SOX6: variants seen among roughly 807,000 people sequenced by gnomAD.
The protein encoded by SOX6 is SRY-box transcription factor 6.
A neutral mutation model predicts 97.8 loss-of-function variants in SOX6; 11 were observed. The observed-to-expected ratio is 0.11, with a 90% CI of 0.07 to 0.19. SOX6 has a LOEUF of 0.19. Among genes scored for constraint, SOX6 ranks in the 10% least tolerant of loss-of-function variants. The probability of loss-of-function intolerance (pLI) is 1.00; values close to 1 mark genes in which losing one functional copy is unlikely to be tolerated. For missense variants in SOX6, 810 were observed against 1,039.5 expected (o/e 0.78, Z 3.04); for synonymous variants, 360 against 371.4 (o/e 0.97, Z 0.35).
intron 4 of SOX6, among the ~76,000 whole-genome samples, chr11:16,604,425 C>G (rs1290623097): frequency 6.6e-6 from 1 of 152,200 alleles, no homozygotes. Flanking sequence ...AGAGAAGACC[C>G]TAGTGGGCGG....
At chr11:16,296,504 G>C (rs1163327004) in intron 3 of SOX6, among the ~76,000 whole-genome samples, 1 of 152,132 alleles carries the variant, frequency 6.6e-6, no homozygotes, top group Non-Finnish European at 1.5e-5. Flanking sequence ...TGAGACACTA[G>C]AAGGTAATAA....
intron 4 of SOX6, among the ~76,000 whole-genome samples, chr11:16,573,803 T>A (rs940015961): frequency 1.3e-5 from 2 of 152,218 alleles, no homozygotes; most frequent in Non-Finnish European, 2.9e-5. Context: ...CTTTTAGTGT[T>A]ACCTGTTATG....
chr11:16,633,573 G>C (rs570835414), intron 3 of SOX6, among the ~76,000 whole-genome samples: 5 of 152,316 alleles, frequency 3.3e-5, no homozygotes, highest in African/African-American at 1.2e-4. Context: ...ACTTTGTGTG[G>C]CTTTGTCTTG....
rs1354873788 is a variant in SOX6, at chr11:15,985,738, T to C, written c.2183+466A>G. Among the ~76,000 whole-genome samples the C allele has an allele frequency of 2.6e-5, 4 of 152,220 alleles. No individual in the cohort carries two copies. The South Asian group carries it at 8.3e-4, about 32-fold the overall frequency. ...ACTGCAACAGGAGTTCTGGATCTTA[T>C]GCCAAAAATGAGGTCCTCTAACCAA... On this transcript the variant is annotated intron_variant, in intron 15 of 15. Coordinates refer to ENST00000683767, the MANE Select transcript of SOX6 (RefSeq NM_001367873.1).
rs571247635 is a variant in SOX6, at chr11:16,428,898, T to C, written c.-5+47417A>G. Among the ~76,000 whole-genome samples, 5 of 152,344 alleles carry C rather than the reference T, an allele frequency of 3.3e-5. No individual in the cohort carries two copies. The South Asian group carries it at 8.3e-4, about 25-fold the overall frequency. ...GTAGCTTGATGGGGATGGCATTGAA[T>C]CTATAAATTACCTTGGGCGGCATGG... On this transcript the variant is annotated intron_variant, in intron 1 of 15. Coordinates refer to the SOX6 transcript ENST00000396356.
At chr11:16,279,878 C>G (rs1483245423) in intron 3 of SOX6, among the ~76,000 whole-genome samples, 1 of 151,850 alleles carries the variant, frequency 6.6e-6, no homozygotes, top group Non-Finnish European at 1.5e-5. Flanking sequence ...AATTGTATAC[C>G]AATGAGGCAT....
chr11:16,076,805 C>T (rs1055191749), intron 9 of SOX6, among the ~76,000 whole-genome samples: 2 of 136,654 alleles, frequency 1.5e-5, no homozygotes, highest in Non-Finnish European at 3.0e-5. Flanking sequence ...GGACTGCGGA[C>T]TGCAGTGGCG....
chr11:16,631,738 T>C (rs940694666), intron 3 of SOX6, among the ~76,000 whole-genome samples: 1 of 152,226 alleles, frequency 6.6e-6, no homozygotes, highest in Non-Finnish European at 1.5e-5. Flanking sequence ...GTTTGGTTGC[T>C]TTACATAATT....
intron 4 of SOX6, among the ~76,000 whole-genome samples, chr11:16,557,043 C>A (rs1009510114): frequency 1.3e-5 from 2 of 151,708 alleles, no homozygotes; most frequent in African/African-American, 4.8e-5. Context: ...ATGGTATTTT[C>A]AAAATGTGGT....
intron 1 of SOX6, among the ~76,000 whole-genome samples, chr11:16,467,251 C>T (rs1322337991): frequency 2.0e-5 from 3 of 152,136 alleles, no homozygotes; most frequent in Admixed American, 2.0e-4. Context: ...TACCTAAAGA[C>T]AGAAATACCA....
At chr11:16,125,084 A>C (rs1225056395) in intron 6 of SOX6, among the ~76,000 whole-genome samples, 1 of 152,052 alleles carries the variant, frequency 6.6e-6, no homozygotes, top group African/African-American at 2.4e-5. Flanking sequence ...TCATTCATTG[A>C]TTGACTGACT....
upstream of SOX6, among the ~76,000 whole-genome samples, chr11:16,357,527 C>T (rs544995701): frequency 4.2e-4 from 64 of 152,196 alleles, 1 homozygote; most frequent in South Asian, 7.3e-3. Context: ...TCAGCCAACA[C>T]AGTCATTGTT....
Position 16,187,102 on chromosome 11 carries a change from CAG to C in SOX6, c.536-149_536-148del, listed in dbSNP as rs67831891. The C allele has an allele frequency of 6.4e-3, 5,280 of 827,682 alleles. 34 individuals carry two copies. Among genetic ancestry groups the C allele is most frequent in the South Asian group, 9.9e-3 (681 of 68,476 alleles). The allele number at this position is 827,682 out of a possible 1,614,324, so 51.3% of individuals were successfully genotyped here. On this transcript the variant is annotated intron_variant, in intron 4 of 15. Coordinates refer to ENST00000683767, the MANE Select transcript of SOX6 (RefSeq NM_001367873.1). ...GAGGCCATTGAGGGTACAGGAACAC[CAG>C]AGAGTAATTACAGCAGTGGAATGAA... is the stretch of plus-strand genomic sequence containing the variant.
chr11:16,318,180 G>A (rs1855807224), intron 3 of SOX6: 1 of 478,524 alleles, frequency 2.1e-6, no homozygotes, highest in Non-Finnish European at 3.8e-6. Flanking sequence ...TTTTTCCAGA[G>A]TAGGATTATG....
chr11:16,329,935 A>T (rs576053544), intron 2 of SOX6, among the ~76,000 whole-genome samples: 1 of 152,324 alleles, frequency 6.6e-6, no homozygotes, highest in African/African-American at 2.4e-5. Flanking sequence ...CAGTTATTCA[A>T]TACATACTCA....
chr11:16,009,117 T>C (rs1386681848), intron 13 of SOX6, among the ~76,000 whole-genome samples: 4 of 152,080 alleles, frequency 2.6e-5, no homozygotes, highest in Non-Finnish European at 4.4e-5. Context: ...TTTACGTGTA[T>C]AATTTCTCAT....
At chr11:16,145,425 C>T (rs2134047068) in intron 6 of SOX6, among the ~76,000 whole-genome samples, 1 of 152,302 alleles carries the variant, frequency 6.6e-6, no homozygotes, top group South Asian at 2.1e-4. Flanking sequence ...GAAGCATTCC[C>T]TTTGAAAACT....
chr11:16,688,639 A>G (rs1478120093), intron 3 of SOX6, among the ~76,000 whole-genome samples: 2 of 152,030 alleles, frequency 1.3e-5, no homozygotes, highest in African/African-American at 4.8e-5. Context: ...TATATCTTCC[A>G]TGTCTTTGTG....
chr11:16,637,587 A>C (rs1848809695), intron 3 of SOX6, among the ~76,000 whole-genome samples: 1 of 152,218 alleles, frequency 6.6e-6, no homozygotes, highest in Non-Finnish European at 1.5e-5. Flanking sequence ...GTTAGATCCC[A>C]AAAACACTGG....
Sources: allele counts gnomAD v4.1 joint callset (sites outside exome capture counted in the v4.1 genomes callset), GRCh38; gene constraint gnomAD v4.1.1; transcripts MANE v1.5; gene names NCBI Gene and HGNC (gene_info 2026-07-23, HGNC 2026-07-21).